Variants in MINAR1 observed in about 807,000 individuals in gnomAD.
The protein encoded by MINAR1 is membrane integral NOTCH2 associated receptor 1, also known as major intrinsically disordered Notch2-binding receptor 1.
A neutral mutation model predicts 65.1 loss-of-function variants in MINAR1; 40 were observed. The ratio of observed to expected loss-of-function variants is 0.61; its 90% CI spans 0.48 to 0.80. MINAR1 has a LOEUF of 0.80. MINAR1 is among the 30% of genes least tolerant of loss of function. The pLI, the probability that MINAR1 is intolerant of heterozygous loss-of-function variation, is 0.00. For missense variants in MINAR1, 1,128 were observed against 1,148.0 expected (o/e 0.98, Z 0.25); for synonymous variants, 482 against 449.1 (o/e 1.07, Z -0.93).
chr15:79,461,515 C>T (rs770245571), intron 2 of MINAR1, among the ~76,000 whole-genome samples: 32 of 152,152 alleles, frequency 2.1e-4, no homozygotes, highest in Non-Finnish European at 3.8e-4. Flanking sequence ...GAGTGTTGGG[C>T]GGTGGTGATG....
chr15:79,468,089 C>T (rs1895939431), intron 3 of MINAR1, 98 bp from the exon 4 acceptor site: 8 of 928,642 alleles, frequency 8.6e-6, no homozygotes, highest in Non-Finnish European at 1.3e-5. Flanking sequence ...CTCCCAGCTG[C>T]AGACAACTTA....
In MINAR1 at chr15:79,468,420, C is replaced by T. The variant is rs765802789; in HGVS notation, c.*36C>T. ...CAACCTTACGTACAGCTTATGACTA[C>T]CAATGTCGTCGTCTGTATCTTAGAA... On this transcript the variant is annotated 3_prime_UTR_variant, in exon 4 of 4. Transcript: ENST00000305428. 11 of 1,573,844 alleles carry T rather than the reference C, an allele frequency of 7.0e-6. No individual in the cohort carries two copies. The Admixed American group carries it at 1.9e-4, about 27-fold the overall frequency.
At chr15:79,464,353 T>C (rs1427551519) in intron 3 of MINAR1, among the ~76,000 whole-genome samples, 3 of 152,234 alleles carry the variant, frequency 2.0e-5, no homozygotes, top group African/African-American at 7.2e-5. Flanking sequence ...GGCTGGTCAA[T>C]GATGCTGAAA....
chr15:79,426,389 C>T, the MINAR1 span: 8 of 152,222 alleles, frequency 5.3e-5, no homozygotes, highest in Non-Finnish European at 2.9e-5. Context: ...TGGCCAAGCT[C>T]GGGCCACTTG....
rs1203264487 is a variant in MINAR1 at position 79,457,747 on chromosome 15, A to G, written c.1600A>G (p.Thr534Ala). ...TGATGACATGAGCATCAGTGGCTCC[A>G]CGGGAGTGATACAGTCGTCCTGCTA... ...FLDDMSISGSTGVIQSSCYNS... is the reference protein window; with the variant it reads ...FLDDMSISGSAGVIQSSCYNS... Residue 534 changes from threonine to alanine, a missense_variant, in exon 2 of 4, where the codon ACG becomes GCG. Transcript: ENST00000305428. 6.2e-7 allele frequency: 1 copy of G among 1,614,186 alleles called. No individual in the cohort carries two copies. Among genetic ancestry groups the G allele is most frequent in the South Asian group, 1.1e-5 (1 of 91,078 alleles).
chr15:79,457,382 C>T lies in MINAR1; in HGVS notation c.1235C>T (p.Pro412Leu), dbSNP rs1224405330. The T allele has an allele frequency of 1.9e-6, 3 of 1,614,188 alleles. No individual in the cohort carries two copies. In the South Asian group the frequency reaches 3.3e-5, roughly 18 times the overall value. Reference protein sequence around the residue: ...TPNFPAPERRPTYLVPKDQQP... With the variant: ...TPNFPAPERRLTYLVPKDQQP... ...AATTTCCCAGCCCCAGAAAGGCGCC[C>T]AACTTACCTTGTGCCAAAGGATCAA... The change falls in exon 2 of 4, where the codon CCA becomes CTA. Residue 412 changes from proline (P) to leucine (L), a missense_variant. Transcript: ENST00000305428.
chr15:79,452,072 ATG>A (rs1185922692), intron 1 of MINAR1, among the ~76,000 whole-genome samples: 1 of 151,804 alleles, frequency 6.6e-6, no homozygotes, highest in Non-Finnish European at 1.5e-5. Context: ...AGAGGTGTGA[ATG>A]TGTTTGTGGA....
At chr15:79,459,348 C>G (rs144549797) in intron 2 of MINAR1, among the ~76,000 whole-genome samples, 13 of 152,316 alleles carry the variant, frequency 8.5e-5, no homozygotes, top group Non-Finnish European at 1.5e-4. Context: ...TTCACTTCCT[C>G]AGTCCTAGAA....
chr15:79,471,495 A>AACTT lies in MINAR1; in HGVS notation c.*3114_*3117dup, dbSNP rs1491235839. ...CCTTCATTACAGTAAACTAAATCAT[A>AACTT]ACTTACATCATCCATTACTAGCTGA... On this transcript the variant is annotated 3_prime_UTR_variant, in exon 4 of 4. Transcript: ENST00000305428. 1.2e-4 allele frequency: 19 copies of AACTT among 152,614 alleles called. No individual in the cohort carries two copies. The highest frequency in any genetic ancestry group is 2.6e-4 in the Admixed American group (4 of 15,272). 9.5% of individuals were successfully genotyped at this position (152,614 alleles called of 1,614,324 possible). A position where few individuals can be genotyped will look rare whatever the true frequency, so the allele number is the denominator to read the frequency against.
chr15:79,459,663 C>T (rs974143372), intron 2 of MINAR1, among the ~76,000 whole-genome samples: 1 of 152,086 alleles, frequency 6.6e-6, no homozygotes, highest in Admixed American at 6.5e-5. Context: ...TCAAATGGTG[C>T]TGAGAAGGAA....
At chr15:79,430,306 G>A (rs932965709), upstream of MINAR1, among the ~76,000 whole-genome samples, 4 of 152,128 alleles carry the variant, frequency 2.6e-5, no homozygotes, top group African/African-American at 7.2e-5. Context: ...CTTCTAGAAT[G>A]TGGTCTCTGT....
intron 2 of MINAR1, among the ~76,000 whole-genome samples, chr15:79,460,970 T>A (rs566877094): frequency 1.2e-4 from 19 of 152,306 alleles, no homozygotes; most frequent in Admixed American, 2.6e-4. Context: ...CCACCAAGAC[T>A]CTCTGGTCCA....
In MINAR1 at chr15:79,453,457, C is replaced by T. The variant is rs180792578; in HGVS notation, c.-50-2641C>T. On this transcript the variant is annotated intron_variant, in intron 1 of 3. Coordinates refer to ENST00000305428, the MANE Select transcript of MINAR1 (RefSeq NM_015206.3). ...TCCTTATCTGTAACATGGGGGTACT[C>T]TTCCTGCCCTACACAGTTGTTTGTG... Among the ~76,000 whole-genome samples, 3 of 152,322 alleles carry T rather than the reference C, an allele frequency of 2.0e-5. No homozygotes were observed. The East Asian group carries it at 5.8e-4, about 29-fold the overall frequency.
chr15:79,456,621 C>T lies in MINAR1; in HGVS notation c.474C>T (p.Cys158=), dbSNP rs752832772. The T allele has an allele frequency of 1.2e-6, 2 of 1,614,146 alleles. No individual in the cohort carries two copies. The highest frequency in any genetic ancestry group is 2.2e-5 in the South Asian group (2 of 91,084). ...RGYPIRQSSK[C]RKMDCKDCPQ... ...ACCCCATCAGGCAGTCGTCCAAGTG[C>T]CGGAAGATGGACTGCAAGGACTGCC... is the stretch of plus-strand genomic sequence containing the variant. Residue 158 remains cysteine (C), a synonymous_variant, in exon 2 of 4, where the codon TGC becomes TGT. Transcript: ENST00000305428.
rs757401665 is a variant in MINAR1 at position 79,458,142 on chromosome 15, C to G, written c.1995C>G (p.His665Gln). ...ACAGTGCCTCTCCCCGGATGTTCCA[C>G]GCACACAGTGGCTCCCACGGACCCA... is the stretch of plus-strand genomic sequence containing the variant. ...SDDSASPRMF[H>Q]AHSGSHGPKL... The change falls in exon 2 of 4, where the codon CAC (histidine) becomes CAG (glutamine). Residue 665 changes from histidine (H) to glutamine (Q), a missense_variant. His to Gln is a conservative substitution (Grantham distance 24). Transcript: ENST00000305428. 6.2e-7 allele frequency: 1 copy of G among 1,614,174 alleles called. No individual in the cohort carries two copies. Among genetic ancestry groups the G allele is most frequent in the Non-Finnish European group, 8.5e-7 (1 of 1,180,002 alleles).
At chr15:79,450,799 C>CT (rs1198090301) in intron 1 of MINAR1, among the ~76,000 whole-genome samples, 4 of 152,126 alleles carry the variant, frequency 2.6e-5, no homozygotes, top group Non-Finnish European at 5.9e-5. Flanking sequence ...AAAAATACTC[C>CT]TTTTTTATAA....
At chr15:79,421,595 A>G in the MINAR1 span, 1 of 152,256 alleles carries the variant, frequency 6.6e-6, no homozygotes, top group African/African-American at 2.4e-5. Flanking sequence ...GGGTAAAGGG[A>G]TGAAGAGGTC....
At chr15:79,448,413 A>T (rs900080708) in intron 1 of MINAR1, among the ~76,000 whole-genome samples, 8 of 152,240 alleles carry the variant, frequency 5.3e-5, no homozygotes, top group African/African-American at 1.7e-4. Flanking sequence ...GACACAAACA[A>T]TGTAGAAATT....
At chr15:79,439,333 G>GTGGA in intron 1 of MINAR1, among the ~76,000 whole-genome samples, 1 of 66,862 alleles carries the variant, frequency 1.5e-5, no homozygotes, top group Non-Finnish European at 3.2e-5. Flanking sequence ...TGTGGGTGGG[G>GTGGA]TAGGCAGTGT....
Sources: allele counts gnomAD v4.1 joint callset (sites outside exome capture counted in the v4.1 genomes callset), GRCh38; gene constraint gnomAD v4.1.1; transcripts MANE v1.5; gene names NCBI Gene and HGNC (gene_info 2026-07-23, HGNC 2026-07-21).